Variants in CLCN1 observed in about 807,000 individuals in gnomAD.
CLCN1 encodes chloride channel protein 1.
Under a neutral mutation model 114.5 loss-of-function variants are expected in CLCN1, and 100 were observed. The ratio of observed to expected loss-of-function variants is 0.87; its 90% confidence interval spans 0.74 to 1.03. CLCN1 has a LOEUF of 1.03. Among genes scored for constraint, CLCN1 ranks in the 50% least tolerant of loss-of-function variants. The probability of loss-of-function intolerance (pLI) is 0.00; values close to 1 mark genes in which losing one functional copy is unlikely to be tolerated. For missense variants in CLCN1, 1,188 were observed against 1,250.0 expected (o/e 0.95, Z 0.75); for synonymous variants, 485 against 487.1 (o/e 1.00, Z 0.06).
intron 3 of CLCN1, 146 bp downstream of exon 3, chr7:143,320,941 C>T: frequency 1.0e-6 from 1 of 996,146 alleles, no homozygotes; most frequent in African/African-American, 1.6e-5. Context: ...GGACTCCAGG[C>T]CCAGAAAAGA....
intron 12 of CLCN1, among the ~76,000 whole-genome samples, chr7:143,333,426 T>C (rs1802784441): frequency 6.6e-6 from 1 of 152,264 alleles, no homozygotes; most frequent in South Asian, 2.1e-4. Context: ...CTAATTGTTC[T>C]TCTTGTTAAA....
Position 143,321,854 on chromosome 7 carries a change from C to T in CLCN1, c.696+6C>T. On this transcript the variant is annotated splice_donor_region_variant and intron_variant, in intron 5 of 22. Coordinates refer to ENST00000343257, the MANE Select transcript of CLCN1 (RefSeq NM_000083.3). This position sits in a 1 kb window ranked among gnomAD's most constrained non-coding sequence, Gnocchi z 4.2. ...GCATCCCCGTGGGGAAAGAGGTAGGCCTGGCATGACTGAAGCCAGAGCTGG... is the reference window on the plus strand; with the variant it reads ...GCATCCCCGTGGGGAAAGAGGTAGGTCTGGCATGACTGAAGCCAGAGCTGG... 1.2e-6 allele frequency: 2 copies of T among 1,613,870 alleles called. No individual in the cohort carries two copies. Among genetic ancestry groups the T allele is most frequent in the Non-Finnish European group, 1.7e-6 (2 of 1,179,904 alleles).
chr7:143,347,072 TGA>T (rs1360208344), intron 20 of CLCN1, 123 bp downstream of exon 20: 2 of 889,956 alleles, frequency 2.2e-6, no homozygotes, highest in Non-Finnish European at 3.8e-6. Flanking sequence ...GGAAGTGTTT[TGA>T]GAGGATGGAA....
chr7:143,343,368 A>G (rs1387968670), intron 16 of CLCN1, among the ~76,000 whole-genome samples: 1 of 152,222 alleles, frequency 6.6e-6, no homozygotes, highest in Non-Finnish European at 1.5e-5. Context: ...TAAATAGACT[A>G]CAAAATGAAC....
At chr7:143,331,434 G>T in intron 9 of CLCN1, 117 bp from the exon 10 acceptor site, 1 of 1,111,850 alleles carries the variant, frequency 9.0e-7, no homozygotes, top group Non-Finnish European at 1.4e-6. Flanking sequence ...CATTGCTGGG[G>T]GGATGTGGGC....
chr7:143,336,330 G>GAA (rs5888093), intron 12 of CLCN1, among the ~76,000 whole-genome samples: 1 of 134,938 alleles, frequency 7.4e-6, no homozygotes. Flanking sequence ...TAGATCTGAA[G>GAA]AAAAAAAAAA....
chr7:143,340,671 T>C (rs979766810), intron 14 of CLCN1, among the ~76,000 whole-genome samples: 3 of 152,174 alleles, frequency 2.0e-5, no homozygotes, highest in Non-Finnish European at 4.4e-5. Context: ...TAGCTGGGAT[T>C]ACAGGCACAT....
At chr7:143,333,804 C>T (rs4726606) in intron 12 of CLCN1, among the ~76,000 whole-genome samples, 66,711 of 152,006 alleles carry the variant, frequency 0.44, 15,136 homozygotes, top group African/African-American at 0.55. Flanking sequence ...TGATCTCTTT[C>T]ACATCACTTC....
At chr7:143,343,278 C>T (rs939603525) in intron 16 of CLCN1, among the ~76,000 whole-genome samples, 11 of 152,332 alleles carry the variant, frequency 7.2e-5, no homozygotes, top group African/African-American at 2.6e-4. Flanking sequence ...CAGTAAACAG[C>T]ACTTTGACAT....
At position 143,346,225 on chromosome 7, in the gene CLCN1, A is replaced by C. The variant is rs112282456; in HGVS notation, c.2258A>C (p.Gln753Pro). Residue 753 changes from glutamine to proline, a missense_variant, in exon 18 of 23, where the codon CAG becomes CCG. Transcript: ENST00000343257. ...EPNGPLPGHK[Q>P]QPEAPEPAGQ... is the part of the protein sequence containing the mutation. ...AATGGGCCTCTGCCTGGCCACAAACAGCAGCCGGAAGCACCAGAGCCTGCA... is the reference window on the plus strand; with the variant it reads ...AATGGGCCTCTGCCTGGCCACAAACCGCAGCCGGAAGCACCAGAGCCTGCA... 6.3e-5 allele frequency: 101 copies of C among 1,612,874 alleles called. 2 individuals carry two copies. In the African/African-American group the frequency reaches 7.9e-4, roughly 13 times the overall value.
At chr7:143,346,820 G>A (rs1803262169) in intron 19 of CLCN1, 91 bp from the exon 20 acceptor site, 1 of 1,340,124 alleles carries the variant, frequency 7.5e-7, no homozygotes, top group Non-Finnish European at 1.1e-6. Flanking sequence ...GGTGGTCCTG[G>A]CCAGGGAGGG....
Position 143,332,404 on chromosome 7 carries a change from CTG to C in CLCN1, c.1167-13_1167-12del. 1 of 1,607,754 alleles carries C rather than the reference CTG, an allele frequency of 6.2e-7. No individual in the cohort carries two copies. The highest frequency in any genetic ancestry group is 1.1e-5 in the South Asian group (1 of 90,964). Reference sequence around the variant, plus strand: ...GTTGGCTGAATTGTGGCGGTTAACTCTGTTTCTTTTTCAGCCGCCTGCTGTAT... The same window carrying C: ...GTTGGCTGAATTGTGGCGGTTAACTCTTTCTTTTTCAGCCGCCTGCTGTAT... On this transcript the variant is annotated splice_polypyrimidine_tract_variant and intron_variant, in intron 10 of 22. Transcript: ENST00000343257.
intron 2 of CLCN1, 99 bp from the exon 3 acceptor site, chr7:143,320,565 C>CTCTCTCTCTCTA: frequency 1.4e-6 from 1 of 731,692 alleles, no homozygotes; most frequent in Admixed American, 2.3e-5. Context: ...CTCTCTCTCT[C>CTCTCTCTCTCTA]TCTCTCTCTC....
At position 143,331,253 on chromosome 7, in the gene CLCN1, G is replaced by A; in HGVS notation, c.1001G>A (p.Arg334Lys). 6.2e-7 allele frequency: 1 copy of A among 1,613,438 alleles called. No individual in the cohort carries two copies. Among genetic ancestry groups the A allele is most frequent in the Non-Finnish European group, 8.5e-7 (1 of 1,179,386 alleles). ...ACAGTCACCATCACTGCTCTGTTCA[G>A]AACCAATTTCCGAATGGATTTCCCC... is the stretch of plus-strand genomic sequence containing the variant. The part of the protein sequence containing the change: ...KDAVTITALF[R>K]TNFRMDFPFD... Residue 334 changes from arginine to lysine, a missense_variant, in exon 9 of 23, where the codon AGA becomes AAA. Coordinates refer to ENST00000343257, the MANE Select transcript of CLCN1 (RefSeq NM_000083.3).
Position 143,346,635 on chromosome 7 carries a change from C to T in CLCN1, c.2341C>T (p.Pro781Ser), listed in dbSNP as rs117661165. The T allele has an allele frequency of 5.0e-5, 80 of 1,613,806 alleles. No homozygotes were observed. The East Asian group carries it at 1.5e-3, about 31-fold the overall frequency. Residue 781 changes from proline to serine, a missense_variant, in exon 19 of 23, where the codon CCC becomes TCC. Physicochemically the swap from Pro to Ser is moderately conservative, Grantham distance 74 (BLOSUM62 -1). Coordinates refer to ENST00000343257, the MANE Select transcript of CLCN1 (RefSeq NM_000083.3). ...TCACTGCTTGCTGGGCAGAGCTCGC[C>T]CCACAAAGAAGAAAACAACCCAGGT... ...LLHCLLGRARPTKKKTTQDST... is the reference protein window; with the variant it reads ...LLHCLLGRARSTKKKTTQDST...
intron 12 of CLCN1, among the ~76,000 whole-genome samples, chr7:143,338,793 C>CAAAAA (rs535268770): frequency 1.3e-5 from 1 of 77,948 alleles, no homozygotes. Flanking sequence ...GACCCTGTCT[C>CAAAAA]AAAAAAAAAA....
intron 11 of CLCN1, 23 bp downstream of exon 11, chr7:143,332,526 T>G: frequency 1.3e-6 from 2 of 1,594,264 alleles, no homozygotes; most frequent in Non-Finnish European, 1.7e-6. Flanking sequence ...TGGGGCCACA[T>G]GGTAAAGAGG....
rs759761559 is a variant in CLCN1 at position 143,331,264 on chromosome 7, C to T, written c.1012C>T (p.Arg338Ter). 5.6e-6 allele frequency: 9 copies of T among 1,613,636 alleles called. No homozygotes were observed. Among genetic ancestry groups the T allele is most frequent in the South Asian group, 3.3e-5 (3 of 91,072 alleles). Residue 338 changes from arginine to a stop codon, truncating the protein, a stop_gained, in exon 9 of 23, where the codon CGA (arginine) becomes TGA (stop). Transcript: ENST00000343257. LOFTEE classifies it high-confidence loss of function. ...TITALFRTNF[R>*]MDFPFDLKEL... ...CACTGCTCTGTTCAGAACCAATTTC[C>T]GAATGGATTTCCCCTTTGACCTGAA...
chr7:143,318,423 A>T (rs966180601), intron 1 of CLCN1, among the ~76,000 whole-genome samples: 1 of 152,132 alleles, frequency 6.6e-6, no homozygotes, highest in Non-Finnish European at 1.5e-5. Flanking sequence ...AGGTTTCTCC[A>T]TGTTGGTCAG....
Sources: allele counts gnomAD v4.1 joint callset (sites outside exome capture counted in the v4.1 genomes callset), GRCh38; gene constraint gnomAD v4.1.1; non-coding constraint Gnocchi (gnomAD v3.1); transcripts MANE v1.5; gene names NCBI Gene and HGNC (gene_info 2026-07-23, HGNC 2026-07-21).